The following VPS13B variants were observed in gnomAD, a reference collection of about 807,000 sequenced individuals.
VPS13B encodes the protein intermembrane lipid transfer protein VPS13B.
In VPS13B, 285 loss-of-function variants were observed where a neutral mutation model predicts 426.4. That is an observed-to-expected ratio of 0.67 (90% CI 0.61 to 0.74). The LOEUF (loss-of-function observed/expected upper bound fraction) is 0.74. Among genes scored for constraint, VPS13B ranks in the 30% least tolerant of loss-of-function variants. The pLI, the probability that VPS13B is intolerant of heterozygous loss-of-function variation, is 0.00. For synonymous variants in VPS13B, 1,676 were observed against 1,676.4 expected, an observed-to-expected ratio of 1.00 and a Z score of 0.01; for missense variants, 4,537 against 4,782.6, an observed-to-expected ratio of 0.95 and a Z score of 1.51.
chr8:99,164,308 C>G (rs1413020571), intron 15 of VPS13B, among the ~76,000 whole-genome samples: 1 of 152,090 alleles, frequency 6.6e-6, no homozygotes, highest in African/African-American at 2.4e-5. Context: ...GCCATGTTGC[C>G]CAACTCCAGA....
At chr8:99,469,101 A>G (rs1819264122) in intron 24 of VPS13B, among the ~76,000 whole-genome samples, 1 of 152,014 alleles carries the variant, frequency 6.6e-6, no homozygotes. Context: ...TTAAAAGAAC[A>G]CTGTCATAAA....
chr8:99,788,609 A>G (rs1218909717), intron 43 of VPS13B, among the ~76,000 whole-genome samples: 2 of 152,184 alleles, frequency 1.3e-5, no homozygotes, highest in Non-Finnish European at 2.9e-5. Context: ...AACTCTGTGT[A>G]AAATCAGCCA....
At chr8:99,253,808 C>T (rs1817620879) in intron 17 of VPS13B, among the ~76,000 whole-genome samples, 1 of 151,916 alleles carries the variant, frequency 6.6e-6, no homozygotes, top group Non-Finnish European at 1.5e-5. Context: ...ATTTCTTTTT[C>T]TGTCTTCTTG....
At chr8:99,419,079 G>A (rs879426088) in intron 21 of VPS13B, among the ~76,000 whole-genome samples, 2 of 152,136 alleles carry the variant, frequency 1.3e-5, no homozygotes, top group Non-Finnish European at 2.9e-5. Context: ...TAATCCCCAC[G>A]TGTTGAAGGT....
In VPS13B at chr8:99,774,455, A is replaced by C. The variant is rs574989296; in HGVS notation, c.7248-2320A>C. 2.0e-4 allele frequency among the ~76,000 whole-genome samples: 31 copies of C among 152,326 alleles called. 1 individual carries two copies. The highest frequency in any genetic ancestry group is 1.8e-3 in the Admixed American group (27 of 15,296). ...TTGTTATAAGTAAAGATTGTATTAGATACTCATGATGTTTTAGCAACCTTT... is the reference window on the plus strand; with the variant it reads ...TTGTTATAAGTAAAGATTGTATTAGCTACTCATGATGTTTTAGCAACCTTT... On this transcript the variant is annotated intron_variant, in intron 40 of 61. Coordinates refer to ENST00000357162, the MANE Select transcript of VPS13B (RefSeq NM_152564.5).
intron 19 of VPS13B, among the ~76,000 whole-genome samples, chr8:99,310,107 A>G (rs1479689851): frequency 5.3e-5 from 8 of 152,198 alleles, no homozygotes; most frequent in Non-Finnish European, 1.2e-4. Flanking sequence ...TTTTCTAAAT[A>G]TACAATCATG....
intron 33 of VPS13B, among the ~76,000 whole-genome samples, chr8:99,594,379 G>A (rs1461853749): frequency 6.6e-6 from 1 of 151,920 alleles, no homozygotes; most frequent in African/African-American, 2.4e-5. Flanking sequence ...TTGTTGTAGA[G>A]ATTAATTGGG....
At chr8:99,228,745 A>C (rs1446035913) in intron 17 of VPS13B, among the ~76,000 whole-genome samples, 1 of 152,174 alleles carries the variant, frequency 6.6e-6, no homozygotes, top group Non-Finnish European at 1.5e-5. Context: ...CGAAGAAGGT[A>C]CAGATTGCGG....
At position 99,370,356 on chromosome 8, in the gene VPS13B, A is replaced by T. The variant is rs183158393; in HGVS notation, c.2825-13852A>T. On this transcript the variant is annotated intron_variant, in intron 19 of 61. Transcript: ENST00000357162. Reference sequence around the variant, plus strand: ...TGAAGAGATCATAGAGAAGTGATCTAACCTGAAGGGGCAGCGAAGAATTTG... The same window carrying T: ...TGAAGAGATCATAGAGAAGTGATCTTACCTGAAGGGGCAGCGAAGAATTTG... Among the ~76,000 whole-genome samples, 6 of 152,316 alleles carry T rather than the reference A, an allele frequency of 3.9e-5. No individual in the cohort carries two copies. In the East Asian group the frequency reaches 1.2e-3, roughly 29 times the overall value.
At chr8:99,196,812 C>G (rs1813963909) in intron 17 of VPS13B, among the ~76,000 whole-genome samples, 3 of 152,022 alleles carry the variant, frequency 2.0e-5, no homozygotes, top group Admixed American at 2.0e-4. Context: ...ATTACAATGC[C>G]TTTTCTTTCT....
chr8:99,663,896 T>G (rs1487061678), intron 35 of VPS13B, among the ~76,000 whole-genome samples: 1 of 152,172 alleles, frequency 6.6e-6, no homozygotes, highest in Admixed American at 6.5e-5. Flanking sequence ...TTAGATACAA[T>G]ATTTTCAAGG....
At chr8:99,144,650 A>C (rs147353276) in intron 13 of VPS13B, among the ~76,000 whole-genome samples, 51 of 152,306 alleles carry the variant, frequency 3.3e-4, no homozygotes, top group African/African-American at 1.2e-3. Context: ...CACTTAACCC[A>C]GTGTACAGTA....
At chr8:99,731,668 G>A (rs1249875290) in intron 39 of VPS13B, among the ~76,000 whole-genome samples, 2 of 152,180 alleles carry the variant, frequency 1.3e-5, no homozygotes, top group African/African-American at 4.8e-5. Context: ...GAGTAGTGGG[G>A]AAGGAGAAAA....
At chr8:99,535,848 A>G (rs1198141047) in intron 30 of VPS13B, among the ~76,000 whole-genome samples, 1 of 152,186 alleles carries the variant, frequency 6.6e-6, no homozygotes, top group African/African-American at 2.4e-5. Flanking sequence ...ACATTGTGAA[A>G]ACTTTTATCT....
intron 19 of VPS13B, among the ~76,000 whole-genome samples, chr8:99,299,896 C>T (rs982845136): frequency 2.8e-4 from 43 of 151,958 alleles, no homozygotes; most frequent in Non-Finnish European, 4.6e-4. Context: ...AGTGACAGGG[C>T]GAAACTCCAT....
intron 17 of VPS13B, among the ~76,000 whole-genome samples, chr8:99,266,399 G>A (rs946808287): frequency 2.6e-5 from 4 of 151,944 alleles, no homozygotes; most frequent in Non-Finnish European, 5.9e-5. Flanking sequence ...GCAACAGAGT[G>A]AGACTCTGTC....
intron 27 of VPS13B, 95 bp from the exon 28 acceptor site, chr8:99,507,042 G>C (rs1046156479): frequency 7.3e-7 from 1 of 1,372,452 alleles, no homozygotes; most frequent in Non-Finnish European, 1.0e-6. Context: ...GTGCAGTGTT[G>C]TGAACTTTAG....
At chr8:99,361,025 G>T (rs1357564415) in intron 19 of VPS13B, among the ~76,000 whole-genome samples, 5 of 152,114 alleles carry the variant, frequency 3.3e-5, no homozygotes, top group African/African-American at 1.2e-4. Flanking sequence ...GGCTTTAGGG[G>T]AGACAACACT....
At chr8:99,826,474 G>A (rs1176016924) in intron 51 of VPS13B, among the ~76,000 whole-genome samples, 3 of 152,198 alleles carry the variant, frequency 2.0e-5, no homozygotes, top group African/African-American at 7.2e-5. Flanking sequence ...TTTGGGCTGA[G>A]TTGATGGGGT....
Sources: gnomAD v4.1 joint callset for allele counts (sites outside exome capture counted in the v4.1 genomes callset) on GRCh38, gnomAD v4.1.1 for gene constraint, MANE v1.5 for transcripts, NCBI Gene and HGNC (gene_info 2026-07-23, HGNC 2026-07-21) for gene names.